The following GDAP2 variants were observed in gnomAD, a reference collection of about 807,000 sequenced individuals.
GDAP2 encodes the protein ganglioside-induced differentiation-associated protein 2.
GDAP2 carries 51 observed loss-of-function variants against 67.0 expected under a neutral mutation model. The observed-to-expected ratio is 0.76, with a 90% confidence interval of 0.61 to 0.96. The LOEUF is 0.96. Among genes scored for constraint, GDAP2 ranks in the 40% least tolerant of loss-of-function variants. The probability of loss-of-function intolerance (pLI) is 0.00; values close to 1 mark genes in which losing one functional copy is unlikely to be tolerated. For missense variants in GDAP2, 547 were observed against 588.3 expected (o/e 0.93, Z 0.73); for synonymous variants, 203 against 207.3 (o/e 0.98, Z 0.18).
Position 117,870,268 on chromosome 1 carries a change from C to G in GDAP2, c.*301G>C. ...TTGGTGGTTTATCTAATGGAGAATTCGGTGTCCTTCAGGAAACTAAAGATA... is the reference window on the plus strand; with the variant it reads ...TTGGTGGTTTATCTAATGGAGAATTGGGTGTCCTTCAGGAAACTAAAGATA... On this transcript the variant is annotated 3_prime_UTR_variant, in exon 14 of 14. Coordinates refer to ENST00000369443, the MANE Select transcript of GDAP2 (RefSeq NM_017686.4). 1 of 388,500 alleles carries G rather than the reference C, an allele frequency of 2.6e-6. No homozygotes were observed. Among genetic ancestry groups the G allele is most frequent in the Non-Finnish European group, 4.7e-6 (1 of 214,460 alleles). The allele number at this position is 388,500 out of a possible 1,614,324, so 24.1% of individuals were successfully genotyped here.
At chr1:117,912,288 T>G (rs1299656871) in intron 4 of GDAP2, among the ~76,000 whole-genome samples, 1 of 152,128 alleles carries the variant, frequency 6.6e-6, no homozygotes. Context: ...ATATCTCACA[T>G]AAAAACTGAA....
At chr1:117,911,082 T>C (rs2101153744) in intron 5 of GDAP2, among the ~76,000 whole-genome samples, 1 of 152,340 alleles carries the variant, frequency 6.6e-6, no homozygotes, top group African/African-American at 2.4e-5. Context: ...ACATCATATT[T>C]GCTAAAAGCA....
At chr1:117,929,200 A>C (rs946499719) in intron 1 of GDAP2, among the ~76,000 whole-genome samples, 2 of 152,186 alleles carry the variant, frequency 1.3e-5, no homozygotes, top group African/African-American at 4.8e-5. Flanking sequence ...TGGCTACAGC[A>C]CCACTGTTCC....
At chr1:117,919,398 G>T (rs1343996475) in intron 2 of GDAP2, among the ~76,000 whole-genome samples, 1 of 151,352 alleles carries the variant, frequency 6.6e-6, no homozygotes, top group Non-Finnish European at 1.5e-5. Flanking sequence ...ATAAAGTATT[G>T]ATTTGTACTA....
intron 5 of GDAP2, among the ~76,000 whole-genome samples, chr1:117,910,880 G>C (rs908667087): frequency 2.0e-5 from 3 of 152,164 alleles, no homozygotes; most frequent in African/African-American, 7.2e-5. Flanking sequence ...CTACAATCCT[G>C]ATGAGGATCT....
rs1394209717 is a variant in GDAP2 at position 117,891,512 on chromosome 1, G to GTCA, written c.954-3739_954-3738insTGA. On this transcript the variant is annotated intron_variant, in intron 8 of 13. Coordinates refer to ENST00000369443, the MANE Select transcript of GDAP2 (RefSeq NM_017686.4). ...AAAGCATTTCTCTGGTCAGTAATGA[G>GTCA]GTTGAGATTCTGCTCATGTTGACTT... Among the ~76,000 whole-genome samples the GTCA allele has an allele frequency of 2.0e-5, 3 of 152,176 alleles. No individual in the cohort carries two copies. The East Asian group carries it at 5.8e-4, about 29-fold the overall frequency.
intron 6 of GDAP2, among the ~76,000 whole-genome samples, chr1:117,905,270 T>C (rs773302156): frequency 9.9e-5 from 15 of 152,236 alleles, no homozygotes; most frequent in Admixed American, 9.8e-4. Context: ...TAATAAAGTC[T>C]AAATTTTACA....
rs1240019340 is a variant in GDAP2, at chr1:117,883,597, G to A, written c.1138C>T (p.His380Tyr). 6.2e-7 allele frequency: 1 copy of A among 1,602,550 alleles called. No individual in the cohort carries two copies. The highest frequency in any genetic ancestry group is 8.5e-7 in the Non-Finnish European group (1 of 1,170,154). The change falls in exon 11 of 14, where the codon CAC becomes TAC. Residue 380 changes from histidine to tyrosine, a missense_variant. By Grantham distance (83) the His-to-Tyr change is moderately conservative (BLOSUM62 2). Transcript: ENST00000369443. ...AATACATACTCCTTCACAGCAATGT[G>A]ATCCATTACATGAATGAAATATAAG... ...ALLYFIHVMD[H>Y]IAVKEYVLVY...
intron 1 of GDAP2, among the ~76,000 whole-genome samples, chr1:117,924,387 G>A (rs1347402034): frequency 6.6e-6 from 1 of 152,170 alleles, no homozygotes; most frequent in East Asian, 1.9e-4. Context: ...TAGGTAGGTG[G>A]TTTTCTGTTC....
intron 8 of GDAP2, among the ~76,000 whole-genome samples, chr1:117,892,193 T>G (rs115795218): frequency 0.013 from 2,031 of 152,222 alleles, 37 homozygotes; most frequent in South Asian, 0.092. Flanking sequence ...CACTATAGAT[T>G]GTGTAAGTCT....
chr1:117,899,094 T>C lies in GDAP2; in HGVS notation c.759A>G (p.Arg253=), dbSNP rs17037743. Reference sequence around the variant, plus strand: ...CAGGTTTCTCACTTATTCTAATCTGTCGTTCAGGTACCACAGGCTCCCCTT... The same window carrying C: ...CAGGTTTCTCACTTATTCTAATCTGCCGTTCAGGTACCACAGGCTCCCCTT... ...NAEGEPVVPE[R]QIRISEKPGA... Residue 253 remains arginine (R), a synonymous_variant, in exon 7 of 14, where the codon CGA becomes CGG. Coordinates refer to ENST00000369443, the MANE Select transcript of GDAP2 (RefSeq NM_017686.4). 1.1e-3 allele frequency: 1,794 copies of C among 1,613,516 alleles called. 4 individuals are homozygous for C. The highest frequency in any genetic ancestry group is 7.7e-3 in the African/African-American group (580 of 75,010).
chr1:117,869,467 C>A lies in GDAP2; in HGVS notation c.*1102G>T, dbSNP rs1388524464. ...TAGCATTCCCTCATATATATTTATT[C>A]CCATTTAAAAACTAACTGAAGATAC... On this transcript the variant is annotated 3_prime_UTR_variant, in exon 14 of 14. Coordinates refer to ENST00000369443, the MANE Select transcript of GDAP2 (RefSeq NM_017686.4). 1 of 152,530 alleles carries A rather than the reference C, an allele frequency of 6.6e-6. No individual in the cohort carries two copies. The highest frequency in any genetic ancestry group is 1.5e-5 in the Non-Finnish European group (1 of 68,016). The allele number at this position is 152,530 out of a possible 1,614,324, so 9.4% of individuals were successfully genotyped here. A position where few individuals can be genotyped will look rare whatever the true frequency, so the allele number is the denominator to read the frequency against.
chr1:117,920,715 C>T (rs1403629110), intron 1 of GDAP2, among the ~76,000 whole-genome samples: 1 of 148,892 alleles, frequency 6.7e-6, no homozygotes, highest in East Asian at 2.0e-4. Context: ...ATTCATTCAA[C>T]ATTCACTGAG....
chr1:117,922,743 G>A (rs930696396), intron 1 of GDAP2, among the ~76,000 whole-genome samples: 1 of 152,238 alleles, frequency 6.6e-6, no homozygotes, highest in Non-Finnish European at 1.5e-5. Context: ...AGATCACAAG[G>A]CAGAAGGTCA....
intron 8 of GDAP2, among the ~76,000 whole-genome samples, chr1:117,893,206 TAAA>T (rs1404247437): frequency 6.6e-6 from 1 of 152,010 alleles, no homozygotes; most frequent in Non-Finnish European, 1.5e-5. Context: ...GTAATACTAA[TAAA>T]AAAGGAAAGG....
chr1:117,882,591 G>T (rs1032858937), intron 11 of GDAP2, among the ~76,000 whole-genome samples: 1 of 152,100 alleles, frequency 6.6e-6, no homozygotes, highest in Admixed American at 6.6e-5. Context: ...GGACGTCAGA[G>T]AAATAGTACA....
At chr1:117,893,946 A>C (rs1649172277) in intron 8 of GDAP2, among the ~76,000 whole-genome samples, 1 of 152,138 alleles carries the variant, frequency 6.6e-6, no homozygotes, top group Non-Finnish European at 1.5e-5. Flanking sequence ...TTTTGTGAAC[A>C]TAACTTTTTT....
At chr1:117,907,432 TCA>T (rs955051549) in intron 5 of GDAP2, among the ~76,000 whole-genome samples, 22 of 152,192 alleles carry the variant, frequency 1.4e-4, no homozygotes, top group African/African-American at 5.1e-4. Context: ...CTTAGATAAC[TCA>T]CAGAGACCTC....
At chr1:117,895,765 G>A (rs867167568) in intron 8 of GDAP2, among the ~76,000 whole-genome samples, 2 of 152,184 alleles carry the variant, frequency 1.3e-5, no homozygotes, top group African/African-American at 4.8e-5. Flanking sequence ...AGGAAGACCT[G>A]GGATTGAGGA....
Sources: allele counts gnomAD v4.1 joint callset (sites outside exome capture counted in the v4.1 genomes callset), GRCh38; gene constraint gnomAD v4.1.1; transcripts MANE v1.5; gene names NCBI Gene and HGNC (gene_info 2026-07-23, HGNC 2026-07-21).